RTRAF: variants seen among roughly 807,000 people sequenced by gnomAD.
RTRAF encodes tRNA-splicing ligase complex subunit RTRAF.
Under a neutral mutation model 34.4 loss-of-function variants are expected in RTRAF, and 14 were observed. That is an observed-to-expected ratio of 0.41 (90% CI 0.27 to 0.64). The LOEUF is 0.64. Ranked by LOEUF, RTRAF falls within the 30% of genes least tolerant of loss-of-function variation. RTRAF has a pLI of 0.34. For synonymous variants in RTRAF, 96 were observed against 95.3 expected, an observed-to-expected ratio of 1.01 and a Z score of -0.04; for missense variants, 291 against 288.4, an observed-to-expected ratio of 1.01 and a Z score of -0.06.
rs374217060 is a variant in RTRAF at position 52,004,270 on chromosome 14, A to AT, written c.580+36dup. On this transcript the variant is annotated intron_variant, in intron 7 of 7. Coordinates refer to ENST00000261700, the MANE Select transcript of RTRAF (RefSeq NM_016039.3). ...AAGTGATTTTGTTTAAATTCAAACT[A>AT]TTTTTTTTACAGACTGAATACTTGG... is the stretch of plus-strand genomic sequence containing the variant. The AT allele has an allele frequency of 7.1e-4, 1,120 of 1,587,340 alleles. 9 individuals carry two copies. Among genetic ancestry groups the AT allele is most frequent in the Middle Eastern group, 5.5e-3 (33 of 5,972 alleles).
Position 52,005,067 on chromosome 14 carries a change from A to C in RTRAF, c.*551A>C, listed in dbSNP as rs917182584. 1 of 161,300 alleles carries C rather than the reference A, an allele frequency of 6.2e-6. No individual in the cohort carries two copies. Among genetic ancestry groups the C allele is most frequent in the Non-Finnish European group, 1.3e-5 (1 of 74,268 alleles). The allele number at this position is 161,300 out of a possible 1,614,324, so 10.0% of individuals were successfully genotyped here. ...CATCAGTTCTGCATTGGCTTCTCCA[A>C]CTGTCAAGGTTTAGGATTATATTGT... On this transcript the variant is annotated 3_prime_UTR_variant, in exon 8 of 8. Transcript: ENST00000261700.
intron 2 of RTRAF, among the ~76,000 whole-genome samples, chr14:51,993,482 CT>C (rs1303910069): frequency 1.3e-5 from 2 of 152,158 alleles, no homozygotes. Flanking sequence ...AAGTGTCAAT[CT>C]CTAGGCCTCA....
chr14:52,001,274 T>C (rs150542188), intron 5 of RTRAF, among the ~76,000 whole-genome samples: 2 of 152,296 alleles, frequency 1.3e-5, no homozygotes, highest in African/African-American at 4.8e-5. Context: ...ATGCCTACCA[T>C]AATGAAATGC....
Position 52,008,126 on chromosome 14 carries a change from C to CAT in RTRAF, c.*3612_*3613dup, listed in dbSNP as rs1890865890. On this transcript the variant is annotated 3_prime_UTR_variant, in exon 8 of 8. Coordinates refer to ENST00000261700, the MANE Select transcript of RTRAF (RefSeq NM_016039.3). ...TAGTAGTGTCTTGCTTCTTCTAGTG[C>CAT]ATAGAGTATAGCAGAAGTGATAGGC... The CAT allele has an allele frequency of 1.3e-5, 8 of 595,020 alleles. No homozygotes were observed. Among genetic ancestry groups the CAT allele is most frequent in the Non-Finnish European group, 2.3e-5 (8 of 342,056 alleles). 36.9% of individuals were successfully genotyped at this position (595,020 alleles called of 1,614,324 possible).
Position 52,005,385 on chromosome 14 carries a change from A to C in RTRAF, c.*869A>C. On this transcript the variant is annotated 3_prime_UTR_variant, in exon 8 of 8. Coordinates refer to ENST00000261700, the MANE Select transcript of RTRAF (RefSeq NM_016039.3). ...TCATCTTGGATGCTCAGGAACGTCTAATGGCCAATTCCTTTTTTACTTTCT... is the reference window on the plus strand; with the variant it reads ...TCATCTTGGATGCTCAGGAACGTCTCATGGCCAATTCCTTTTTTACTTTCT... 8.5e-7 allele frequency: 1 copy of C among 1,174,206 alleles called. No homozygotes were observed. The highest frequency in any genetic ancestry group is 1.2e-6 in the Non-Finnish European group (1 of 857,134). 72.7% of individuals were successfully genotyped at this position (1,174,206 alleles called of 1,614,324 possible).
At position 52,005,832 on chromosome 14, in the gene RTRAF, A is replaced by ACTGATACAACACCAT; in HGVS notation, c.*1318_*1332dup. On this transcript the variant is annotated 3_prime_UTR_variant, in exon 8 of 8. Transcript: ENST00000261700. ...AGTAAACTGGCCACTATGTTTATTT[A>ACTGATACAACACCAT]CTGATACAACACCATCCCTGGTAAC... 6.2e-7 allele frequency: 1 copy of ACTGATACAACACCAT among 1,611,102 alleles called. No individual in the cohort carries two copies. Among genetic ancestry groups the ACTGATACAACACCAT allele is most frequent in the South Asian group, 1.1e-5 (1 of 91,024 alleles).
Position 52,005,763 on chromosome 14 carries a change from G to T in RTRAF, c.*1247G>T. 1 of 1,613,756 alleles carries T rather than the reference G, an allele frequency of 6.2e-7. No homozygotes were observed. Among genetic ancestry groups the T allele is most frequent in the South Asian group, 1.1e-5 (1 of 91,062 alleles). On this transcript the variant is annotated 3_prime_UTR_variant, in exon 8 of 8. Transcript: ENST00000261700. ...TGTTGGGCAGTAGGGGTAGACTGCA[G>T]TTATCCCGTAGAGGTGAGATCGTTG... is the stretch of plus-strand genomic sequence containing the variant.
Position 52,005,927 on chromosome 14 carries a change from T to C in RTRAF, c.*1411T>C, listed in dbSNP as rs1451216037. On this transcript the variant is annotated 3_prime_UTR_variant, in exon 8 of 8. Transcript: ENST00000261700. ...AAGTCAGTCAGCCACAGAAAATCAG[T>C]TGCAATAGAGGAAAATTTCTGGCAG... is the stretch of plus-strand genomic sequence containing the variant. 16 of 1,125,240 alleles carry C rather than the reference T, an allele frequency of 1.4e-5. No homozygotes were observed. The East Asian group carries it at 3.3e-4, about 23-fold the overall frequency. 69.7% of individuals were successfully genotyped at this position (1,125,240 alleles called of 1,614,324 possible).
In RTRAF at chr14:52,005,656, G is replaced by A; in HGVS notation, c.*1140G>A. ...GAAGGCAATGGTGGCAGTGTCACAG[G>A]CAGCAGGGGTAATCAAATACCATAT... is the stretch of plus-strand genomic sequence containing the variant. On this transcript the variant is annotated 3_prime_UTR_variant, in exon 8 of 8. Coordinates refer to ENST00000261700, the MANE Select transcript of RTRAF (RefSeq NM_016039.3). 7.3e-7 allele frequency: 1 copy of A among 1,370,044 alleles called. No individual in the cohort carries two copies. Among genetic ancestry groups the A allele is most frequent in the Non-Finnish European group, 1.0e-6 (1 of 959,950 alleles). The allele number at this position is 1,370,044 out of a possible 1,614,324, so 84.9% of individuals were successfully genotyped here. A position where few individuals can be genotyped will look rare whatever the true frequency, so the allele number is the denominator to read the frequency against.
At chr14:51,991,551 T>C in intron 2 of RTRAF, 110 bp downstream of exon 2, 1 of 1,272,490 alleles carries the variant, frequency 7.9e-7, no homozygotes, top group Non-Finnish European at 1.1e-6. Flanking sequence ...ATGATCAGTG[T>C]TAGGAAAGCT....
At chr14:51,997,765 C>A (rs1435544228) in intron 3 of RTRAF, among the ~76,000 whole-genome samples, 2 of 133,500 alleles carry the variant, frequency 1.5e-5, no homozygotes, top group African/African-American at 2.8e-5. Context: ...TTATGTACAG[C>A]ATTCAAAAGA....
chr14:51,993,591 T>C (rs1411633775), intron 2 of RTRAF, 132 bp from the exon 3 acceptor site: 3 of 604,700 alleles, frequency 5.0e-6, no homozygotes, highest in Non-Finnish European at 8.7e-6. Context: ...TATAATTGCA[T>C]CAAAAGTGTA....
Position 52,005,400 on chromosome 14 carries a change from T to C in RTRAF, c.*884T>C. The C allele has an allele frequency of 7.4e-7, 1 of 1,353,466 alleles. No individual in the cohort carries two copies. Among genetic ancestry groups the C allele is most frequent in the Non-Finnish European group, 9.9e-7 (1 of 1,011,208 alleles). 83.8% of individuals were successfully genotyped at this position (1,353,466 alleles called of 1,614,324 possible). On this transcript the variant is annotated 3_prime_UTR_variant, in exon 8 of 8. Transcript: ENST00000261700. Reference sequence around the variant, plus strand: ...AGGAACGTCTAATGGCCAATTCCTTTTTTACTTTCTTTGCCTTTGCAGTCA... The same window carrying C: ...AGGAACGTCTAATGGCCAATTCCTTCTTTACTTTCTTTGCCTTTGCAGTCA...
chr14:51,995,694 G>A lies in RTRAF; in HGVS notation c.286+1872G>A, dbSNP rs1030831174. Among the ~76,000 whole-genome samples, 7 of 152,028 alleles carry A rather than the reference G, an allele frequency of 4.6e-5. No homozygotes were observed. The East Asian group carries it at 9.7e-4, about 21-fold the overall frequency. ...GTATATGTGAGTGTTTACATACACT[G>A]ATTTGGAGCATCAGCCAATTTTTTG... On this transcript the variant is annotated intron_variant, in intron 3 of 7. Transcript: ENST00000261700.
At position 52,005,262 on chromosome 14, in the gene RTRAF, CT is replaced by C. The variant is rs1890719256; in HGVS notation, c.*751del. On this transcript the variant is annotated 3_prime_UTR_variant, in exon 8 of 8. Coordinates refer to ENST00000261700, the MANE Select transcript of RTRAF (RefSeq NM_016039.3). ...TAAGCAACAGTTAAAATTCTGTTAC[CT>C]TTTTAAACTTGCAATAACAACCTTC... The C allele has an allele frequency of 2.6e-6, 1 of 391,016 alleles. No individual in the cohort carries two copies. Among genetic ancestry groups the C allele is most frequent in the African/African-American group, 2.1e-5 (1 of 48,256 alleles). 24.2% of individuals were successfully genotyped at this position (391,016 alleles called of 1,614,324 possible). A position where few individuals can be genotyped will look rare whatever the true frequency, so the allele number is the denominator to read the frequency against.
In RTRAF at chr14:52,006,841, T is replaced by C. The variant is rs759422707; in HGVS notation, c.*2325T>C. 9 of 501,890 alleles carry C rather than the reference T, an allele frequency of 1.8e-5. No individual in the cohort carries two copies. Among genetic ancestry groups the C allele is most frequent in the Non-Finnish European group, 3.1e-5 (9 of 292,594 alleles). The allele number at this position is 501,890 out of a possible 1,614,324, so 31.1% of individuals were successfully genotyped here. On this transcript the variant is annotated 3_prime_UTR_variant, in exon 8 of 8. Transcript: ENST00000261700. Reference sequence around the variant, plus strand: ...CTAGTCTCCAGTTTTTAGTAGAGATTCAAACTTTCAATCCTTTTTTGGAAG... The same window carrying C: ...CTAGTCTCCAGTTTTTAGTAGAGATCCAAACTTTCAATCCTTTTTTGGAAG...
In RTRAF at chr14:51,993,833, TG is replaced by T; in HGVS notation, c.286+15del. ...AATATGGAGATAATGGTACGTTTTG[TG>T]GGGAATGTGTATTTTAAAGAGAGAG... On this transcript the variant is annotated intron_variant, in intron 3 of 7. Coordinates refer to ENST00000261700, the MANE Select transcript of RTRAF (RefSeq NM_016039.3). The T allele has an allele frequency of 6.9e-7, 1 of 1,457,666 alleles. No homozygotes were observed. The highest frequency in any genetic ancestry group is 9.5e-7 in the Non-Finnish European group (1 of 1,055,708). The allele number at this position is 1,457,666 out of a possible 1,614,324, so 90.3% of individuals were successfully genotyped here. A position where few individuals can be genotyped will look rare whatever the true frequency, so the allele number is the denominator to read the frequency against.
chr14:51,990,760 T>C (rs1890419923), intron 1 of RTRAF, among the ~76,000 whole-genome samples: 1 of 152,196 alleles, frequency 6.6e-6, no homozygotes. Context: ...GCAGTTAACA[T>C]TCCATGACAA....
chr14:51,997,996 A>G (rs1890546008), intron 3 of RTRAF: 1 of 151,946 alleles, frequency 6.6e-6, no homozygotes, highest in African/African-American at 2.4e-5. Flanking sequence ...AATCAAAAAG[A>G]TAGTTACATT....
Sources: allele counts gnomAD v4.1 joint callset (sites outside exome capture counted in the v4.1 genomes callset), GRCh38; gene constraint gnomAD v4.1.1; transcripts MANE v1.5; gene names NCBI Gene and HGNC (gene_info 2026-07-23, HGNC 2026-07-21).